Variants in DOK5 observed in about 807,000 individuals in gnomAD.
The protein encoded by DOK5 is downstream of tyrosine kinase 5.
Under a neutral mutation model 43.3 loss-of-function variants are expected in DOK5, and 27 were observed. That is an observed-to-expected ratio of 0.62 (90% CI 0.46 to 0.86). The LOEUF (loss-of-function observed/expected upper bound fraction) is 0.86. Among genes scored for constraint, DOK5 ranks in the 40% least tolerant of loss-of-function variants. DOK5 has a pLI of 0.00. For synonymous variants in DOK5, 146 were observed against 140.1 expected, an observed-to-expected ratio of 1.04 and a Z score of -0.30; for missense variants, 373 against 392.9, an observed-to-expected ratio of 0.95 and a Z score of 0.43.
chr20:54,578,424 G>GA (rs1174603274), intron 2 of DOK5, among the ~76,000 whole-genome samples: 1 of 151,884 alleles, frequency 6.6e-6, no homozygotes, highest in East Asian at 1.9e-4. Context: ...AATATATCCT[G>GA]AAAAAAGAAA....
chr20:54,621,486 G>A (rs893828141), intron 6 of DOK5, among the ~76,000 whole-genome samples: 4 of 152,034 alleles, frequency 2.6e-5, no homozygotes, highest in African/African-American at 9.7e-5. Context: ...GAGGTCAGGA[G>A]GTTGAGACCA....
At chr20:54,647,919 A>T (rs1164156160) in intron 7 of DOK5, among the ~76,000 whole-genome samples, 2 of 152,184 alleles carry the variant, frequency 1.3e-5, no homozygotes, top group Non-Finnish European at 2.9e-5. Flanking sequence ...GCAGTGCTGA[A>T]ATCTCAGATT....
chr20:54,635,921 T>C lies in DOK5; in HGVS notation c.736-7537T>C, dbSNP rs1389412953. Reference sequence around the variant, plus strand: ...AGAATACCAAAGACTGGGTAATTTATAATGAACAGAAATTTACTTCTTATA... The same window carrying C: ...AGAATACCAAAGACTGGGTAATTTACAATGAACAGAAATTTACTTCTTATA... On this transcript the variant is annotated intron_variant, in intron 6 of 7. Transcript: ENST00000262593. 2.6e-5 allele frequency among the ~76,000 whole-genome samples: 4 copies of C among 152,232 alleles called. 1 individual carries two copies. The South Asian group carries it at 6.2e-4, about 24-fold the overall frequency.
intron 2 of DOK5, among the ~76,000 whole-genome samples, chr20:54,577,372 T>C (rs962790498): frequency 1.3e-5 from 2 of 152,214 alleles, no homozygotes; most frequent in African/African-American, 2.4e-5. Flanking sequence ...ATTTCTTTAT[T>C]TCCTTATACT....
At chr20:54,503,253 A>G (rs1309169423) in intron 1 of DOK5, among the ~76,000 whole-genome samples, 1 of 152,214 alleles carries the variant, frequency 6.6e-6, no homozygotes, top group East Asian at 1.9e-4. Flanking sequence ...TAACTATAAA[A>G]TTAAAAATCA....
intron 1 of DOK5, among the ~76,000 whole-genome samples, chr20:54,518,934 C>T (rs990110874): frequency 6.6e-6 from 1 of 152,082 alleles, no homozygotes; most frequent in Non-Finnish European, 1.5e-5. Flanking sequence ...ATTTATGCAG[C>T]CAAAAGACAC....
chr20:54,634,437 C>CTTTTTTTTTTTTTT, intron 6 of DOK5, among the ~76,000 whole-genome samples: 1 of 90,414 alleles, frequency 1.1e-5, no homozygotes, highest in Non-Finnish European at 2.0e-5. Flanking sequence ...TCATATCATG[C>CTTTTTTTTTTTTTT]TTTTTTTTTT....
intron 1 of DOK5, among the ~76,000 whole-genome samples, chr20:54,497,111 A>T (rs1219898115): frequency 6.6e-6 from 1 of 152,228 alleles, no homozygotes; most frequent in African/African-American, 2.4e-5. Flanking sequence ...CCTGAATCAC[A>T]GGGATGTCTT....
intron 2 of DOK5, among the ~76,000 whole-genome samples, chr20:54,583,297 C>G (rs1985696904): frequency 6.6e-6 from 1 of 152,040 alleles, no homozygotes; most frequent in African/African-American, 2.4e-5. Flanking sequence ...TTCAATTTGT[C>G]AAGACTTGTT....
intron 1 of DOK5, among the ~76,000 whole-genome samples, chr20:54,553,808 A>T (rs368820070): frequency 2.0e-5 from 3 of 150,208 alleles, no homozygotes; most frequent in East Asian, 2.0e-4. Context: ...GAGGCAGGAG[A>T]ATCGCTTGAA....
intron 1 of DOK5, among the ~76,000 whole-genome samples, chr20:54,531,196 T>C (rs1170017049): frequency 5.3e-5 from 8 of 152,234 alleles, no homozygotes; most frequent in African/African-American, 1.9e-4. Context: ...TCTGAACGTT[T>C]GTTAGTGTCA....
intron 1 of DOK5, among the ~76,000 whole-genome samples, chr20:54,510,174 T>C (rs1892118920): frequency 6.6e-6 from 1 of 152,208 alleles, no homozygotes; most frequent in African/African-American, 2.4e-5. Flanking sequence ...ATATGGGAAA[T>C]CTGCTGCTAT....
At chr20:54,487,171 T>C (rs1981969515) in intron 1 of DOK5, among the ~76,000 whole-genome samples, 1 of 152,142 alleles carries the variant, frequency 6.6e-6, no homozygotes, top group Non-Finnish European at 1.5e-5. Context: ...TTTATATATC[T>C]GGAGAGATAA....
chr20:54,545,345 A>T (rs1334709003), intron 1 of DOK5, among the ~76,000 whole-genome samples: 1 of 152,146 alleles, frequency 6.6e-6, no homozygotes, highest in Non-Finnish European at 1.5e-5. Context: ...ATCAACCCAC[A>T]CCATTTTCTG....
At chr20:54,504,028 A>C (rs1982710768) in intron 1 of DOK5, among the ~76,000 whole-genome samples, 1 of 152,318 alleles carries the variant, frequency 6.6e-6, no homozygotes, top group East Asian at 1.9e-4. Context: ...GCTGTTGTCC[A>C]TGCCACCCTG....
At chr20:54,594,176 AT>A (rs1420259464) in intron 5 of DOK5, among the ~76,000 whole-genome samples, 2 of 152,220 alleles carry the variant, frequency 1.3e-5, no homozygotes, top group African/African-American at 4.8e-5. Flanking sequence ...AAAAAAGAAA[AT>A]AAGAATACCT....
intron 2 of DOK5, among the ~76,000 whole-genome samples, chr20:54,575,691 T>G (rs574873687): frequency 2.4e-4 from 36 of 152,354 alleles, no homozygotes; most frequent in Middle Eastern, 3.4e-3. Context: ...TCCACCCACC[T>G]TGGCCTCCCA....
At chr20:54,520,836 C>T (rs559639519) in intron 1 of DOK5, among the ~76,000 whole-genome samples, 27 of 151,502 alleles carry the variant, frequency 1.8e-4, no homozygotes, top group African/African-American at 4.4e-4. Flanking sequence ...TTATATTTTA[C>T]GTATAATAAA....
intron 1 of DOK5, among the ~76,000 whole-genome samples, chr20:54,553,896 C>CAAAAAAAAA (rs761243905): frequency 1.2e-5 from 1 of 80,166 alleles, no homozygotes; most frequent in Non-Finnish European, 2.8e-5. Context: ...GACTCTGTCT[C>CAAAAAAAAA]AAAAAAAAAA....
Sources: allele counts gnomAD v4.1 joint callset (sites outside exome capture counted in the v4.1 genomes callset), GRCh38; gene constraint gnomAD v4.1.1; transcripts MANE v1.5; gene names NCBI Gene and HGNC (gene_info 2026-07-23, HGNC 2026-07-21).